The following CFTR variants were observed in gnomAD, a reference collection of about 807,000 sequenced individuals.
CFTR encodes the protein cystic fibrosis transmembrane conductance regulator.
A neutral mutation model predicts 171.6 loss-of-function variants in CFTR; 181 were observed. The observed-to-expected ratio is 1.05, with a 90% CI of 0.93 to 1.19. The LOEUF (loss-of-function observed/expected upper bound fraction) is 1.19, where lower values mean the gene tolerates loss of function less well. CFTR is among the 50% of genes most tolerant of loss of function. The probability of loss-of-function intolerance (pLI) is 0.00; values close to 1 mark genes in which losing one functional copy is unlikely to be tolerated. For missense variants in CFTR, 1,968 were observed against 1,734.7 expected, an observed-to-expected ratio of 1.13 and a Z score of -2.39; for synonymous variants, 583 against 608.0, an observed-to-expected ratio of 0.96 and a Z score of 0.60.
intron 1 of CFTR, among the ~76,000 whole-genome samples, chr7:117,489,773 G>A (rs535107915): frequency 6.6e-6 from 1 of 151,798 alleles, no homozygotes; most frequent in South Asian, 2.1e-4. Context: ...TCAATCTAGT[G>A]TGCTAAAATT....
At chr7:117,615,440 C>T (rs1281223316) in intron 21 of CFTR, among the ~76,000 whole-genome samples, 6 of 151,850 alleles carry the variant, frequency 4.0e-5, no homozygotes, top group African/African-American at 1.4e-4. Flanking sequence ...GAACTCCTTC[C>T]TTATATTGGG....
Position 117,552,274 on chromosome 7 carries a change from A to G in CFTR, c.1392+3451A>G, listed in dbSNP as rs183671779. The stretch of plus-strand genomic sequence containing the variant: ...CTCCCAAAGTGCTGGGTTTATAGGC[A>G]TGAGCCACTGTGTCTGGTCCAATAT... On this transcript the variant is annotated intron_variant, in intron 10 of 26. Coordinates refer to ENST00000003084, the MANE Select transcript of CFTR (RefSeq NM_000492.4). Among the ~76,000 whole-genome samples, 189 of 152,198 alleles carry G rather than the reference A, an allele frequency of 1.2e-3. 2 individuals are homozygous for G. Among genetic ancestry groups the G allele is most frequent in the Middle Eastern group, 6.8e-3 (2 of 294 alleles).
intron 18 of CFTR, among the ~76,000 whole-genome samples, chr7:117,609,136 G>T (rs1792344295): frequency 6.6e-6 from 1 of 152,052 alleles, no homozygotes; most frequent in Non-Finnish European, 1.5e-5. Context: ...TGAGTATTTT[G>T]ATACCTCATG....
At chr7:117,564,597 A>C (rs1165178000) in intron 11 of CFTR, 1 of 166,810 alleles carries the variant, frequency 6.0e-6, no homozygotes, top group Admixed American at 6.5e-5. Flanking sequence ...CACCAAATGC[A>C]AACATTCATG....
chr7:117,491,921 G>A (rs1382600690), intron 1 of CFTR, among the ~76,000 whole-genome samples: 3 of 152,062 alleles, frequency 2.0e-5, no homozygotes, highest in East Asian at 1.9e-4. Context: ...GTATATACAT[G>A]TAGGGAGTTA....
chr7:117,566,610 A>C (rs889271405), intron 11 of CFTR, among the ~76,000 whole-genome samples: 14 of 152,150 alleles, frequency 9.2e-5, no homozygotes, highest in Non-Finnish European at 1.9e-4. Flanking sequence ...AAAAAAAAAA[A>C]AAAACTATTG....
chr7:117,576,603 C>A (rs567562776), intron 11 of CFTR, among the ~76,000 whole-genome samples: 1 of 152,202 alleles, frequency 6.6e-6, no homozygotes, highest in South Asian at 2.1e-4. Flanking sequence ...TTTGAAATAA[C>A]AATAACTTTA....
At chr7:117,553,575 A>G (rs537428878) in intron 10 of CFTR, among the ~76,000 whole-genome samples, 6 of 152,310 alleles carry the variant, frequency 3.9e-5, no homozygotes, top group African/African-American at 1.4e-4. Flanking sequence ...AGATGATATT[A>G]TCTAATTTAA....
intron 11 of CFTR, among the ~76,000 whole-genome samples, chr7:117,563,331 G>A (rs1280109404): frequency 6.6e-6 from 1 of 152,074 alleles, no homozygotes; most frequent in African/African-American, 2.4e-5. Flanking sequence ...ACTACAAGGA[G>A]AAAGACTAAT....
intron 23 of CFTR, 72 bp from the exon 24 acceptor site, chr7:117,652,770 A>G: frequency 2.7e-6 from 2 of 752,234 alleles, no homozygotes; most frequent in Non-Finnish European, 4.5e-6. Context: ...AATATTTTAC[A>G]ATACAATAAG....
chr7:117,523,873 AT>A (rs1231401042), intron 3 of CFTR, among the ~76,000 whole-genome samples: 11 of 152,256 alleles, frequency 7.2e-5, no homozygotes, highest in African/African-American at 2.7e-4. Flanking sequence ...AAATAAAAAA[AT>A]CTTATACAAG....
At chr7:117,590,271 TGAAC>T in intron 12 of CFTR, 78 bp from the exon 13 acceptor site, 2 of 1,521,520 alleles carry the variant, frequency 1.3e-6, no homozygotes, top group Non-Finnish European at 1.8e-6. Flanking sequence ...ATGCATGTAG[TGAAC>T]TGTTTAAGGC....
intron 24 of CFTR, among the ~76,000 whole-genome samples, chr7:117,655,568 C>T (rs1450329396): frequency 6.6e-6 from 1 of 152,126 alleles, no homozygotes; most frequent in Non-Finnish European, 1.5e-5. Flanking sequence ...CCAGAATGGC[C>T]TTTAATTGTC....
At chr7:117,648,064 T>A (rs1793024758) in intron 23 of CFTR, among the ~76,000 whole-genome samples, 1 of 139,218 alleles carries the variant, frequency 7.2e-6, no homozygotes, top group Non-Finnish European at 1.5e-5. Context: ...TATATATGTA[T>A]ATATGTATAT....
At chr7:117,567,043 A>G (rs1791613051) in intron 11 of CFTR, among the ~76,000 whole-genome samples, 1 of 152,218 alleles carries the variant, frequency 6.6e-6, no homozygotes, top group Admixed American at 6.5e-5. Flanking sequence ...TATCCTATGA[A>G]TAGATAATAA....
At chr7:117,515,443 T>A (rs1177551863) in intron 3 of CFTR, among the ~76,000 whole-genome samples, 1 of 152,186 alleles carries the variant, frequency 6.6e-6, no homozygotes, top group Admixed American at 6.5e-5. Flanking sequence ...GTCAGATTTG[T>A]CGAAGATCAG....
chr7:117,650,321 G>A (rs1793071689), intron 23 of CFTR, among the ~76,000 whole-genome samples: 1 of 152,106 alleles, frequency 6.6e-6, no homozygotes. Context: ...AGAAAGATAA[G>A]TCATGAATGA....
intron 11 of CFTR, among the ~76,000 whole-genome samples, chr7:117,565,362 C>T (rs1791584714): frequency 6.6e-6 from 1 of 152,174 alleles, no homozygotes; most frequent in African/African-American, 2.4e-5. Context: ...TACCACTTCT[C>T]CTGCACTTGA....
At chr7:117,564,177 G>A (rs1791561208) in intron 11 of CFTR, among the ~76,000 whole-genome samples, 2 of 152,184 alleles carry the variant, frequency 1.3e-5, no homozygotes, top group Admixed American at 6.5e-5. Flanking sequence ...TTTGAAGTAG[G>A]CATGTCAGTT....
Sources: gnomAD v4.1 joint callset for allele counts (sites outside exome capture counted in the v4.1 genomes callset) on GRCh38, gnomAD v4.1.1 for gene constraint, MANE v1.5 for transcripts, NCBI Gene and HGNC (gene_info 2026-07-23, HGNC 2026-07-21) for gene names.